The following IMMP2L variants were observed in gnomAD, a reference collection of about 807,000 sequenced individuals.
The protein encoded by IMMP2L is inner mitochondrial membrane peptidase subunit 2, also known as mitochondrial inner membrane protease subunit 2.
Under a neutral mutation model 19.3 loss-of-function variants are expected in IMMP2L, and 18 were observed. The observed-to-expected ratio is 0.93, with a 90% CI of 0.64 to 1.38. The LOEUF (loss-of-function observed/expected upper bound fraction) is 1.38. Among genes scored for constraint, IMMP2L ranks in the 40% most tolerant of loss-of-function variants. The pLI is 0.00. For synonymous variants in IMMP2L, 76 were observed against 73.0 expected (o/e 1.04, Z -0.21); for missense variants, 233 against 218.2 (o/e 1.07, Z -0.43).
intron 3 of IMMP2L, among the ~76,000 whole-genome samples, chr7:111,205,056 G>T (rs1049128835): frequency 1.3e-5 from 2 of 152,178 alleles, no homozygotes; most frequent in South Asian, 2.1e-4. Flanking sequence ...CCAGCATTCA[G>T]TGTCTGGTGA....
At chr7:110,904,726 C>G (rs994542165) in intron 4 of IMMP2L, among the ~76,000 whole-genome samples, 19 of 152,186 alleles carry the variant, frequency 1.2e-4, no homozygotes, top group Admixed American at 3.9e-4. Context: ...AGAAGGATCA[C>G]TAGGAAAGCA....
chr7:111,202,302 C>A (rs1810231096), intron 3 of IMMP2L, among the ~76,000 whole-genome samples: 1 of 152,160 alleles, frequency 6.6e-6, no homozygotes, highest in Admixed American at 6.5e-5. Context: ...AAGCTGTTAA[C>A]TGGAGTGCTG....
intron 5 of IMMP2L, among the ~76,000 whole-genome samples, chr7:110,857,777 C>T (rs182293150): frequency 6.6e-6 from 1 of 152,136 alleles, no homozygotes; most frequent in East Asian, 1.9e-4. Context: ...TTATTTGAAG[C>T]ATCTGCTTGA....
intron 2 of IMMP2L, among the ~76,000 whole-genome samples, chr7:111,508,138 A>G (rs1270138388): frequency 5.9e-5 from 9 of 152,146 alleles, no homozygotes. Flanking sequence ...TCTGTTGATC[A>G]TTTTAAAAGC....
chr7:111,022,049 A>G (rs1015495984), intron 3 of IMMP2L, among the ~76,000 whole-genome samples: 2 of 152,146 alleles, frequency 1.3e-5, no homozygotes, highest in African/African-American at 4.8e-5. Flanking sequence ...CAGCCAAACC[A>G]TATCACTCAC....
At chr7:111,256,333 T>C (rs1351800884) in intron 3 of IMMP2L, among the ~76,000 whole-genome samples, 1 of 152,096 alleles carries the variant, frequency 6.6e-6, no homozygotes, top group Non-Finnish European at 1.5e-5. Flanking sequence ...GATGTACATA[T>C]GAACTATAAC....
chr7:110,919,681 GA>G (rs111663310), intron 4 of IMMP2L, among the ~76,000 whole-genome samples: 1 of 150,210 alleles, frequency 6.7e-6, no homozygotes, highest in Admixed American at 6.6e-5. Context: ...CTTATTTCTT[GA>G]AAAAAAAATA....
At chr7:110,818,323 C>T (rs1026578403) in intron 5 of IMMP2L, among the ~76,000 whole-genome samples, 1 of 152,144 alleles carries the variant, frequency 6.6e-6, no homozygotes, top group Non-Finnish European at 1.5e-5. Context: ...ACACAATTCT[C>T]AAAAGAAGAC....
At chr7:110,962,538 A>T (rs2129555453) in intron 4 of IMMP2L, 1 of 164,590 alleles carries the variant, frequency 6.1e-6, no homozygotes, top group African/African-American at 2.4e-5. Context: ...CAACTCCAAT[A>T]TTACATATCT....
At chr7:111,141,511 T>C (rs1263534868) in intron 3 of IMMP2L, among the ~76,000 whole-genome samples, 1 of 152,084 alleles carries the variant, frequency 6.6e-6, no homozygotes, top group African/African-American at 2.4e-5. Context: ...TTTAGGTTGC[T>C]TAATTTTCTA....
chr7:110,958,409 C>T (rs1330630273), intron 4 of IMMP2L, among the ~76,000 whole-genome samples: 2 of 152,000 alleles, frequency 1.3e-5, no homozygotes. Context: ...TTGAGTTTTA[C>T]AAGCTTGTGT....
intron 1 of IMMP2L, among the ~76,000 whole-genome samples, chr7:111,546,366 A>T (rs1017687054): frequency 8.6e-5 from 13 of 152,018 alleles, no homozygotes; most frequent in Non-Finnish European, 1.6e-4. Flanking sequence ...TTTGCCAATT[A>T]GGTTTTAAAA....
At chr7:111,024,687 T>C (rs1225364679) in intron 3 of IMMP2L, among the ~76,000 whole-genome samples, 1 of 152,188 alleles carries the variant, frequency 6.6e-6, no homozygotes, top group East Asian at 1.9e-4. Flanking sequence ...CCCTGGCTTT[T>C]ATCCTTTCAA....
intron 3 of IMMP2L, among the ~76,000 whole-genome samples, chr7:111,393,648 G>A (rs970939388): frequency 3.3e-5 from 5 of 152,090 alleles, no homozygotes; most frequent in Admixed American, 2.0e-4. Flanking sequence ...AAGGAACAAC[G>A]TATTTATTTC....
intron 5 of IMMP2L, among the ~76,000 whole-genome samples, chr7:110,801,501 T>G (rs989326826): frequency 3.9e-5 from 6 of 152,120 alleles, no homozygotes; most frequent in African/African-American, 1.2e-4. Context: ...GCCAGAAAAC[T>G]ATAAACAGTG....
intron 5 of IMMP2L, among the ~76,000 whole-genome samples, chr7:110,753,829 G>A (rs1439889180): frequency 1.3e-5 from 2 of 151,586 alleles, no homozygotes; most frequent in African/African-American, 4.8e-5. Context: ...TATAGACAGC[G>A]GAGGAAAATT....
At chr7:111,473,270 C>A (rs1841429651) in intron 3 of IMMP2L, among the ~76,000 whole-genome samples, 1 of 152,042 alleles carries the variant, frequency 6.6e-6, no homozygotes, top group Non-Finnish European at 1.5e-5. Context: ...CTTTTCTTTG[C>A]CTGGCTGTTT....
At chr7:111,122,631 T>G (rs1430430766) in intron 3 of IMMP2L, 2 of 657,480 alleles carry the variant, frequency 3.0e-6, no homozygotes, top group Non-Finnish European at 5.3e-6. Context: ...CTTATTTCAG[T>G]GAAGAAAAAC....
chr7:111,294,464 A>G (rs754574893), intron 3 of IMMP2L, among the ~76,000 whole-genome samples: 2 of 151,946 alleles, frequency 1.3e-5, no homozygotes, highest in Non-Finnish European at 2.9e-5. Flanking sequence ...TAATTTACAT[A>G]CAGAGCTATA....
Sources: gnomAD v4.1 joint callset for allele counts (sites outside exome capture counted in the v4.1 genomes callset) on GRCh38, gnomAD v4.1.1 for gene constraint, MANE v1.5 for transcripts, NCBI Gene and HGNC (gene_info 2026-07-23, HGNC 2026-07-21) for gene names.